NHSL3: variants seen among roughly 807,000 people sequenced by gnomAD.
NHSL3 encodes NHS-like protein 3.
chr1:32,751,001 G>T, the NHSL3 span, among the ~76,000 whole-genome samples: 2 of 151,556 alleles, frequency 1.3e-5, no homozygotes, highest in South Asian at 4.2e-4. Flanking sequence ...AGTAGACACG[G>T]GGTTTCACCG....
chr1:32,768,612 G>C, the NHSL3 span: 1 of 1,609,828 alleles, frequency 6.2e-7, no homozygotes, highest in East Asian at 2.2e-5. Context: ...GGGGAGCCTT[G>C]AGGAGACAGC....
the NHSL3 span, chr1:32,771,004 C>G: frequency 1.2e-5 from 19 of 1,612,702 alleles, no homozygotes; most frequent in Non-Finnish European, 1.6e-5. Flanking sequence ...AGGCAAGGCC[C>G]AGCCCCCTAA....
the NHSL3 span, among the ~76,000 whole-genome samples, chr1:32,742,621 C>T: frequency 6.6e-6 from 1 of 152,250 alleles, no homozygotes; most frequent in Non-Finnish European, 1.5e-5. Flanking sequence ...GTCAACCGCA[C>T]TCACAAAGAG....
chr1:32,772,964 G>C, the NHSL3 span: 2 of 1,427,662 alleles, frequency 1.4e-6, no homozygotes, highest in African/African-American at 2.8e-5. Context: ...CCAAGGACGA[G>C]AGGATACAGC....
the NHSL3 span, among the ~76,000 whole-genome samples, chr1:32,763,783 AG>A: frequency 6.6e-6 from 1 of 152,110 alleles, no homozygotes; most frequent in Non-Finnish European, 1.5e-5. Flanking sequence ...CATGTTGGCC[AG>A]GCTGGTCTCA....
At chr1:32,767,973 A>ACTCCC in the NHSL3 span, 3 of 1,608,618 alleles carry the variant, frequency 1.9e-6, no homozygotes, top group Non-Finnish European at 1.7e-6. Context: ...CTTCCTCTCC[A>ACTCCC]CTCCCCTCCC....
chr1:32,771,109 G>A, the NHSL3 span: 4 of 1,613,390 alleles, frequency 2.5e-6, no homozygotes, highest in Non-Finnish European at 3.4e-6. Context: ...AGCCCCCTCA[G>A]ACCGCTCTGG....
the NHSL3 span, among the ~76,000 whole-genome samples, chr1:32,749,252 T>C: frequency 1.2e-4 from 19 of 152,254 alleles, no homozygotes; most frequent in Middle Eastern, 0.014. Context: ...TGCTAGGGAC[T>C]TGGGACCAGC....
chr1:32,768,629 C>T, the NHSL3 span: 1 of 1,613,332 alleles, frequency 6.2e-7, no homozygotes, highest in Non-Finnish European at 8.5e-7. Flanking sequence ...CAGCCCCACC[C>T]AGATCTCCTT....
chr1:32,768,216 A>G, the NHSL3 span: 1 of 858,190 alleles, frequency 1.2e-6, no homozygotes, highest in Non-Finnish European at 2.0e-6. Flanking sequence ...TCTTTATCAC[A>G]AAGGGCTACA....
the NHSL3 span, among the ~76,000 whole-genome samples, chr1:32,768,492 G>A: frequency 1.3e-5 from 2 of 152,148 alleles, no homozygotes; most frequent in African/African-American, 4.8e-5. Context: ...CTGCTTGAGA[G>A]GCTGAGGCAG....
At chr1:32,768,654 C>T in the NHSL3 span, 2 of 1,614,138 alleles carry the variant, frequency 1.2e-6, no homozygotes. Context: ...CCTGATAGTC[C>T]TCCCGGACGG....
chr1:32,753,609 A>G, the NHSL3 span, among the ~76,000 whole-genome samples: 65 of 152,376 alleles, frequency 4.3e-4, no homozygotes, highest in Admixed American at 3.7e-3. Flanking sequence ...GGGTGCTACT[A>G]TTTTGAACAC....
At chr1:32,770,090 C>A in the NHSL3 span, 1 of 1,556,332 alleles carries the variant, frequency 6.4e-7, no homozygotes, top group Non-Finnish European at 8.7e-7. This position sits in a 1 kb window ranked among gnomAD's most constrained non-coding sequence, Gnocchi z 8.3. Flanking sequence ...CGGGATGACA[C>A]CTTTGTTGGC....
At chr1:32,751,106 T>C in the NHSL3 span, among the ~76,000 whole-genome samples, 1 of 152,158 alleles carries the variant, frequency 6.6e-6, no homozygotes, top group Non-Finnish European at 1.5e-5. Flanking sequence ...CCACCGTGCC[T>C]GGCCTTCCCC....
At chr1:32,768,644 C>A in the NHSL3 span, 2 of 1,613,904 alleles carry the variant, frequency 1.2e-6, no homozygotes, top group East Asian at 2.2e-5. Context: ...CTCCTTCTAC[C>A]CTGATAGTCC....
At chr1:32,770,315 G>T in the NHSL3 span, 1 of 1,612,286 alleles carries the variant, frequency 6.2e-7, no homozygotes, top group Middle Eastern at 1.7e-4. This position sits in a 1 kb window ranked among gnomAD's most constrained non-coding sequence, Gnocchi z 8.3. Flanking sequence ...ACACTAAGCC[G>T]CTGCAGCCTG....
chr1:32,753,999 G>A, the NHSL3 span: 2 of 416,514 alleles, frequency 4.8e-6, no homozygotes, highest in East Asian at 4.1e-5. Context: ...GCCCGCCCGC[G>A]AGTCTCGCTG....
chr1:32,772,423 A>G, the NHSL3 span: 6 of 1,526,362 alleles, frequency 3.9e-6, no homozygotes, highest in Non-Finnish European at 4.4e-6. Context: ...AGAGGAGAAG[A>G]TGGGCCTCCC....
Sources: gnomAD v4.1 joint callset for allele counts (sites outside exome capture counted in the v4.1 genomes callset) on GRCh38, gnomAD v4.1.1 for gene constraint, Gnocchi (gnomAD v3.1) non-coding constraint, MANE v1.5 for transcripts, NCBI Gene and HGNC (gene_info 2026-07-23, HGNC 2026-07-21) for gene names.